The following EIF2A variants were observed in gnomAD, a reference collection of about 807,000 sequenced individuals.
EIF2A encodes 65 kDa eukaryotic translation initiation factor 2A.
EIF2A carries 62 observed loss-of-function variants against 75.2 expected under a neutral mutation model. The observed-to-expected ratio is 0.82, with a 90% CI of 0.67 to 1.02. The LOEUF (loss-of-function observed/expected upper bound fraction) is 1.02, where lower values mean the gene tolerates loss of function less well. Among genes scored for constraint, EIF2A ranks in the 50% least tolerant of loss-of-function variants. EIF2A has a pLI of 0.00. For synonymous variants in EIF2A, 207 were observed against 239.0 expected (o/e 0.87, Z 1.23); for missense variants, 611 against 677.7 (o/e 0.90, Z 1.09).
Position 150,558,394 on chromosome 3 carries a change from T to C in EIF2A, c.105T>C (p.Ser35=). 1 of 1,520,160 alleles carries C rather than the reference T, an allele frequency of 6.6e-7. No individual in the cohort carries two copies. The highest frequency in any genetic ancestry group is 8.8e-7 in the Non-Finnish European group (1 of 1,142,182). 94.2% of individuals were successfully genotyped at this position (1,520,160 alleles called of 1,614,324 possible). Residue 35 remains serine, a synonymous_variant, in exon 3 of 14, where the codon TCT becomes TCC. Transcript: ENST00000460851. The part of the protein sequence containing the change: ...FTESTVFPRE[S]GKNCKVCIFS... ...TTTTTTTTGTCATTTTCAGGGAATC[T>C]GGGAAGAATTGCAAAGTCTGTATCT...
intron 13 of EIF2A, among the ~76,000 whole-genome samples, chr3:150,583,623 GA>G (rs1725314008): frequency 6.6e-6 from 1 of 152,020 alleles, no homozygotes; most frequent in Non-Finnish European, 1.5e-5. Context: ...ATATAGAATT[GA>G]AAATTTTTGG....
At chr3:150,562,228 C>T (rs1163677707) in intron 3 of EIF2A, among the ~76,000 whole-genome samples, 3 of 151,990 alleles carry the variant, frequency 2.0e-5, no homozygotes, top group Non-Finnish European at 4.4e-5. Flanking sequence ...CAAGACCATC[C>T]TGGCTAACAC....
chr3:150,570,564 T>G (rs1724448150), intron 9 of EIF2A, among the ~76,000 whole-genome samples: 1 of 148,452 alleles, frequency 6.7e-6, no homozygotes, highest in Admixed American at 6.7e-5. Context: ...AGACCATCTC[T>G]TTAAAAAAAA....
At chr3:150,558,243 C>A in intron 2 of EIF2A, 145 bp from the exon 3 acceptor site, 1 of 628,890 alleles carries the variant, frequency 1.6e-6, no homozygotes, top group Non-Finnish European at 2.5e-6. Flanking sequence ...AGTATTTTGG[C>A]AGATGAAAGC....
At chr3:150,583,613 A>AAC (rs1725313163) in intron 13 of EIF2A, among the ~76,000 whole-genome samples, 1 of 152,176 alleles carries the variant, frequency 6.6e-6, no homozygotes, top group Admixed American at 6.5e-5. Context: ...TTAAGCCCGA[A>AAC]TATAGAATTG....
At chr3:150,573,901 AC>A (rs529340082) in intron 10 of EIF2A, among the ~76,000 whole-genome samples, 2 of 152,222 alleles carry the variant, frequency 1.3e-5, no homozygotes, top group East Asian at 3.9e-4. Flanking sequence ...TTCCAAAAAA[AC>A]CTTCACCTTT....
rs1304017539 is a variant in EIF2A, at chr3:150,585,431, ATTGT to A, written c.*1524_*1527del. ...CTACTTGGGAGGCTGAGGTAGGAAA[ATTGT>A]TTGAACCCGGCAGACAGAGGTTGCA... is the stretch of plus-strand genomic sequence containing the variant. On this transcript the variant is annotated 3_prime_UTR_variant, in exon 14 of 14. Coordinates refer to ENST00000460851, the MANE Select transcript of EIF2A (RefSeq NM_032025.5). The A allele has an allele frequency of 1.3e-5, 2 of 152,198 alleles. No individual in the cohort carries two copies. Among genetic ancestry groups the A allele is most frequent in the African/African-American group, 4.8e-5 (2 of 41,418 alleles). 9.4% of individuals were successfully genotyped at this position (152,198 alleles called of 1,614,324 possible).
chr3:150,554,626 C>T (rs1440048311), intron 2 of EIF2A, among the ~76,000 whole-genome samples: 2 of 152,206 alleles, frequency 1.3e-5, no homozygotes, highest in African/African-American at 4.8e-5. Context: ...ACTGATGCTG[C>T]AAATCTGGGG....
intron 12 of EIF2A, 177 bp from the exon 13 acceptor site, chr3:150,583,022 CA>C: frequency 1.7e-6 from 1 of 577,838 alleles, no homozygotes; most frequent in East Asian, 3.1e-5. Context: ...ATGTTTTTAA[CA>C]TTTACAATTT....
chr3:150,555,154 C>CA (rs756306915), intron 2 of EIF2A, among the ~76,000 whole-genome samples: 11 of 152,104 alleles, frequency 7.2e-5, no homozygotes, highest in Non-Finnish European at 1.5e-4. Context: ...CTCTCCAACT[C>CA]CTGGGCTCAA....
intron 2 of EIF2A, 28 bp from the exon 3 acceptor site, chr3:150,558,360 T>G (rs566767572): frequency 6.8e-7 from 1 of 1,467,028 alleles, no homozygotes; most frequent in Admixed American, 3.0e-5. Flanking sequence ...GCTTATTCAT[T>G]TAAACCTTTT....
At chr3:150,573,999 C>T (rs1406688939) in intron 10 of EIF2A, among the ~76,000 whole-genome samples, 1 of 152,004 alleles carries the variant, frequency 6.6e-6, no homozygotes, top group Non-Finnish European at 1.5e-5. Context: ...CGCCTGAGCT[C>T]AGGAGTTTGA....
chr3:150,577,716 C>T (rs1724953068), intron 11 of EIF2A, among the ~76,000 whole-genome samples: 1 of 151,916 alleles, frequency 6.6e-6, no homozygotes, highest in Non-Finnish European at 1.5e-5. Flanking sequence ...CCACTGTGCC[C>T]ATCCTAGAAA....
chr3:150,580,928 T>C (rs545747608), intron 11 of EIF2A, among the ~76,000 whole-genome samples: 35 of 152,356 alleles, frequency 2.3e-4, no homozygotes, highest in African/African-American at 8.2e-4. Context: ...TTAAAACTTA[T>C]GAATTGTTTA....
chr3:150,553,610 C>T (rs1171969552), intron 2 of EIF2A, among the ~76,000 whole-genome samples: 1 of 151,824 alleles, frequency 6.6e-6, no homozygotes, highest in African/African-American at 2.4e-5. Context: ...AGAGTTTCAC[C>T]GTGTTGGCCA....
chr3:150,558,679 T>A (rs6767495), intron 3 of EIF2A: 268 of 305,410 alleles, frequency 8.8e-4, no homozygotes, highest in African/African-American at 5.4e-3. Context: ...AATTAAAAAT[T>A]AATATATGAA....
At chr3:150,568,142 G>T in intron 8 of EIF2A, 34 bp from the exon 9 acceptor site, 1 of 1,604,266 alleles carries the variant, frequency 6.2e-7, no homozygotes, top group Non-Finnish European at 8.5e-7. Flanking sequence ...GCCCATTTGT[G>T]TTTTAAATCT....
At chr3:150,581,547 A>C in intron 11 of EIF2A, 71 bp from the exon 12 acceptor site, 1 of 1,501,888 alleles carries the variant, frequency 6.7e-7, no homozygotes. Flanking sequence ...TCATATGCCA[A>C]AGCTATGTTG....
At chr3:150,559,347 G>C (rs1190367347) in intron 3 of EIF2A, among the ~76,000 whole-genome samples, 1 of 151,846 alleles carries the variant, frequency 6.6e-6, no homozygotes, top group Non-Finnish European at 1.5e-5. Flanking sequence ...AAAAAAAATT[G>C]GTCTTTTATT....
Sources: gnomAD v4.1 joint callset for allele counts (sites outside exome capture counted in the v4.1 genomes callset) on GRCh38, gnomAD v4.1.1 for gene constraint, MANE v1.5 for transcripts, NCBI Gene and HGNC (gene_info 2026-07-23, HGNC 2026-07-21) for gene names.